EBF1: variants seen among roughly 807,000 people sequenced by gnomAD.
EBF1 encodes transcription factor COE1.
In EBF1, 10 loss-of-function variants were observed where a neutral mutation model predicts 68.4. The ratio of observed to expected loss-of-function variants is 0.15; its 90% CI spans 0.09 to 0.25. The LOEUF is 0.25. Among genes scored for constraint, EBF1 ranks in the 10% least tolerant of loss-of-function variants. The pLI, the probability that EBF1 is intolerant of heterozygous loss-of-function variation, is 1.00. For synonymous variants in EBF1, 298 were observed against 299.8 expected (o/e 0.99, Z 0.06); for missense variants, 509 against 794.4 (o/e 0.64, Z 4.32).
chr5:159,027,411 G>A (rs1430900506), intron 6 of EBF1, among the ~76,000 whole-genome samples: 2 of 152,080 alleles, frequency 1.3e-5, no homozygotes, highest in Non-Finnish European at 2.9e-5. Context: ...CCCCAGACCA[G>A]GTTAGGCTGC....
intron 9 of EBF1, among the ~76,000 whole-genome samples, chr5:158,787,846 C>T (rs1339953197): frequency 6.6e-6 from 1 of 152,232 alleles, no homozygotes; most frequent in African/African-American, 2.4e-5. Flanking sequence ...TCTTCACCAT[C>T]ACCAATAGAT....
chr5:158,705,984 T>C (rs1031518414), intron 15 of EBF1, among the ~76,000 whole-genome samples: 1 of 152,236 alleles, frequency 6.6e-6, no homozygotes, highest in African/African-American at 2.4e-5. Flanking sequence ...GCTTTCCATA[T>C]GTATGATCAT....
At chr5:158,946,231 G>A (rs920890927) in intron 6 of EBF1, among the ~76,000 whole-genome samples, 4 of 152,070 alleles carry the variant, frequency 2.6e-5, no homozygotes, top group South Asian at 2.1e-4. Context: ...CCTTGCTGGC[G>A]AGCAGTTGTG....
chr5:158,907,235 G>A (rs1412352315), intron 6 of EBF1, among the ~76,000 whole-genome samples: 4 of 152,222 alleles, frequency 2.6e-5, no homozygotes, highest in Non-Finnish European at 5.9e-5. Flanking sequence ...AAGGTGACAA[G>A]GAGGGAAGTA....
At chr5:158,951,458 C>T (rs1815952022) in intron 6 of EBF1, among the ~76,000 whole-genome samples, 1 of 152,190 alleles carries the variant, frequency 6.6e-6, no homozygotes, top group East Asian at 1.9e-4. Flanking sequence ...CTAAGTATTT[C>T]CACAGCACAG....
At chr5:159,082,894 G>A (rs1197445340) in intron 5 of EBF1, among the ~76,000 whole-genome samples, 1 of 152,106 alleles carries the variant, frequency 6.6e-6, no homozygotes, top group Non-Finnish European at 1.5e-5. Context: ...AAGAACATCA[G>A]CAGTAAAGCA....
intron 8 of EBF1, among the ~76,000 whole-genome samples, chr5:158,821,970 C>T (rs565163993): frequency 2.6e-5 from 4 of 152,222 alleles, no homozygotes; most frequent in African/African-American, 9.6e-5. Flanking sequence ...TCCATAAGCA[C>T]AGGGGAAAAA....
At chr5:158,985,443 C>T (rs747975233) in intron 6 of EBF1, among the ~76,000 whole-genome samples, 42 of 152,204 alleles carry the variant, frequency 2.8e-4, no homozygotes, top group Non-Finnish European at 6.0e-4. Context: ...TCTCTGGAGG[C>T]AAAGGCTAGA....
At chr5:159,046,166 G>A (rs1005496343) in intron 6 of EBF1, among the ~76,000 whole-genome samples, 1 of 152,026 alleles carries the variant, frequency 6.6e-6, no homozygotes, top group African/African-American at 2.4e-5. Flanking sequence ...AATCAATTCC[G>A]ATACAGGTGC....
intron 6 of EBF1, among the ~76,000 whole-genome samples, chr5:158,942,513 TC>T (rs1394689389): frequency 6.6e-6 from 1 of 152,012 alleles, no homozygotes; most frequent in African/African-American, 2.4e-5. Flanking sequence ...CAAATGAGAG[TC>T]CTTATTAATA....
chr5:158,716,795 T>G (rs1760816041), intron 11 of EBF1, among the ~76,000 whole-genome samples: 1 of 152,136 alleles, frequency 6.6e-6, no homozygotes, highest in Non-Finnish European at 1.5e-5. Context: ...TCTAATATAT[T>G]GCCTTTCAAT....
chr5:158,881,466 G>C (rs1464326202), intron 6 of EBF1, among the ~76,000 whole-genome samples: 1 of 152,196 alleles, frequency 6.6e-6, no homozygotes, highest in African/African-American at 2.4e-5. Context: ...GCAAGAGGGG[G>C]CCATACCTCC....
At chr5:158,927,911 T>C (rs1381912724) in intron 6 of EBF1, among the ~76,000 whole-genome samples, 1 of 152,206 alleles carries the variant, frequency 6.6e-6, no homozygotes, top group Non-Finnish European at 1.5e-5. Context: ...TTAAACAGAT[T>C]GCCTAAAATC....
At chr5:159,027,149 A>AT (rs979779764) in intron 6 of EBF1, among the ~76,000 whole-genome samples, 4 of 152,034 alleles carry the variant, frequency 2.6e-5, no homozygotes, top group Non-Finnish European at 5.9e-5. Flanking sequence ...ATGTAGCCTG[A>AT]TTTTTTTCAT....
At chr5:158,888,186 C>G (rs1009709285) in intron 6 of EBF1, among the ~76,000 whole-genome samples, 5 of 152,130 alleles carry the variant, frequency 3.3e-5, no homozygotes, top group Non-Finnish European at 7.4e-5. Flanking sequence ...CCACTAAGTT[C>G]TTTTTCCGTT....
intron 11 of EBF1, among the ~76,000 whole-genome samples, chr5:158,719,616 A>C (rs917951497): frequency 6.6e-6 from 1 of 152,126 alleles, no homozygotes; most frequent in African/African-American, 2.4e-5. Context: ...CTAACTGGCC[A>C]ATACTGGGCC....
At chr5:158,706,245 T>G (rs1312470672) in intron 15 of EBF1, among the ~76,000 whole-genome samples, 2 of 151,776 alleles carry the variant, frequency 1.3e-5, no homozygotes, top group African/African-American at 4.8e-5. Context: ...CACTGTATGT[T>G]AGAGTGGGGA....
chr5:158,969,904 G>GAAAT (rs143280142), intron 6 of EBF1, among the ~76,000 whole-genome samples: 7 of 105,632 alleles, frequency 6.6e-5, no homozygotes, highest in Non-Finnish European at 1.2e-4. Context: ...AAGAAAGAAA[G>GAAAT]AAAGAAAGAA....
At chr5:158,802,132 G>A (rs1369928023) in intron 8 of EBF1, among the ~76,000 whole-genome samples, 1 of 152,070 alleles carries the variant, frequency 6.6e-6, no homozygotes, top group Non-Finnish European at 1.5e-5. Flanking sequence ...CAGGGCCCTA[G>A]GGCTGCTCTT....
Sources: gnomAD v4.1 joint callset for allele counts (sites outside exome capture counted in the v4.1 genomes callset) on GRCh38, gnomAD v4.1.1 for gene constraint, MANE v1.5 for transcripts, NCBI Gene and HGNC (gene_info 2026-07-23, HGNC 2026-07-21) for gene names.